NKAIN2: variants seen among roughly 807,000 people sequenced by gnomAD.
The protein encoded by NKAIN2 is sodium/potassium transporting ATPase interacting 2.
NKAIN2 carries 14 observed loss-of-function variants against 32.6 expected under a neutral mutation model. That is an observed-to-expected ratio of 0.43 (90% CI 0.28 to 0.67). The LOEUF (loss-of-function observed/expected upper bound fraction) is 0.67, where lower values mean the gene tolerates loss of function less well. Ranked by LOEUF, NKAIN2 falls within the 30% of genes least tolerant of loss-of-function variation. NKAIN2 has a pLI of 0.17. For synonymous variants in NKAIN2, 80 were observed against 87.2 expected (o/e 0.92, Z 0.46); for missense variants, 198 against 258.3 (o/e 0.77, Z 1.60).
chr6:124,078,444 A>G (rs1009668392), intron 1 of NKAIN2, among the ~76,000 whole-genome samples: 3 of 152,162 alleles, frequency 2.0e-5, no homozygotes, highest in African/African-American at 7.2e-5. Context: ...ACCCTTTGAG[A>G]TGGATGCTAT....
At chr6:124,818,548 C>T (rs1349114132) in intron 6 of NKAIN2, 80 bp downstream of exon 6, 1 of 586,918 alleles carries the variant, frequency 1.7e-6, no homozygotes, top group East Asian at 2.9e-5. Flanking sequence ...AAATTGATGG[C>T]ATGCAGCTTT....
intron 3 of NKAIN2, among the ~76,000 whole-genome samples, chr6:124,556,071 A>G (rs1429381050): frequency 1.5e-5 from 2 of 131,660 alleles, no homozygotes; most frequent in Non-Finnish European, 3.2e-5. Context: ...CCATTATATT[A>G]TAGAGTTTGC....
chr6:123,919,316 T>C (rs1775638349), intron 1 of NKAIN2, among the ~76,000 whole-genome samples: 2 of 152,094 alleles, frequency 1.3e-5, no homozygotes, highest in Admixed American at 1.3e-4. Flanking sequence ...TTTAGAGCTG[T>C]TTATTTTTCA....
chr6:123,873,694 G>A (rs1395698585), intron 1 of NKAIN2, among the ~76,000 whole-genome samples: 1 of 152,186 alleles, frequency 6.6e-6, no homozygotes, highest in African/African-American at 2.4e-5. Flanking sequence ...ATGGAGAATA[G>A]ATAAGGGACT....
At position 124,562,860 on chromosome 6, in the gene NKAIN2, G is replaced by C. The variant is rs893701932; in HGVS notation, c.274-95326G>C. Reference sequence around the variant, plus strand: ...CGGAAAATGCCGCTGTATACTCAAGGAGAAAACAGGAAAAGGAAAATGAAA... The same window carrying C: ...CGGAAAATGCCGCTGTATACTCAAGCAGAAAACAGGAAAAGGAAAATGAAA... On this transcript the variant is annotated intron_variant, in intron 3 of 6. Transcript: ENST00000368417. Among the ~76,000 whole-genome samples the C allele has an allele frequency of 2.0e-5, 3 of 151,306 alleles. No individual in the cohort carries two copies. In the South Asian group the frequency reaches 6.3e-4, roughly 32 times the overall value.
intron 4 of NKAIN2, among the ~76,000 whole-genome samples, chr6:124,684,271 C>G (rs911067543): frequency 1.3e-5 from 2 of 152,194 alleles, no homozygotes; most frequent in African/African-American, 4.8e-5. Context: ...AGTTAACAGC[C>G]TAATGACTTG....
chr6:124,798,415 G>GA (rs898297070), intron 5 of NKAIN2, among the ~76,000 whole-genome samples: 2 of 152,026 alleles, frequency 1.3e-5, no homozygotes, highest in Non-Finnish European at 2.9e-5. Flanking sequence ...GTGACTGACT[G>GA]AAAAAATTTT....
At chr6:124,131,273 T>G (rs1344467755) in intron 1 of NKAIN2, among the ~76,000 whole-genome samples, 1 of 152,160 alleles carries the variant, frequency 6.6e-6, no homozygotes, top group Non-Finnish European at 1.5e-5. Context: ...GCCTCCTCAG[T>G]AGCTAAGACT....
chr6:124,641,529 GCTTTTTTTTTTTTTTTT>G (rs1783988062), intron 3 of NKAIN2, among the ~76,000 whole-genome samples: 1 of 23,832 alleles, frequency 4.2e-5, no homozygotes. Flanking sequence ...TAAAACACTA[GCTTTTTTTTTTTTTTTT>G]TTTTTTTTTT....
intron 3 of NKAIN2, among the ~76,000 whole-genome samples, chr6:124,523,829 A>G (rs762151592): frequency 6.6e-6 from 1 of 152,158 alleles, no homozygotes; most frequent in Non-Finnish European, 1.5e-5. Context: ...CAAAGAAGAC[A>G]CAAATCTTCA....
chr6:124,782,550 T>C (rs1407866408), intron 4 of NKAIN2, among the ~76,000 whole-genome samples: 1 of 152,170 alleles, frequency 6.6e-6, no homozygotes, highest in East Asian at 1.9e-4. Context: ...GCATACTCCT[T>C]CCAGTGAAAT....
At chr6:124,800,251 G>T (rs886730544) in intron 5 of NKAIN2, among the ~76,000 whole-genome samples, 5 of 151,612 alleles carry the variant, frequency 3.3e-5, no homozygotes, top group Non-Finnish European at 7.4e-5. Context: ...TGTGTTCAGA[G>T]GTCTCCTTCT....
intron 2 of NKAIN2, among the ~76,000 whole-genome samples, chr6:124,305,506 C>T (rs1288324667): frequency 6.6e-6 from 1 of 152,080 alleles, no homozygotes; most frequent in African/African-American, 2.4e-5. Flanking sequence ...ACAAGGATGC[C>T]TTCCTTGGAG....
intron 3 of NKAIN2, among the ~76,000 whole-genome samples, chr6:124,412,441 C>T (rs1006597852): frequency 2.6e-5 from 4 of 152,208 alleles, no homozygotes; most frequent in Non-Finnish European, 1.5e-5. Context: ...GAGGTCCACT[C>T]TAGACCCTGT....
intron 4 of NKAIN2, among the ~76,000 whole-genome samples, chr6:124,733,740 CAT>C (rs1214981184): frequency 2.0e-5 from 3 of 151,416 alleles, no homozygotes; most frequent in African/African-American, 7.3e-5. Flanking sequence ...AATATAGATG[CAT>C]ATAGTTACAT....
intron 1 of NKAIN2, among the ~76,000 whole-genome samples, chr6:123,851,817 T>C (rs1458633283): frequency 6.6e-6 from 1 of 152,208 alleles, no homozygotes; most frequent in Non-Finnish European, 1.5e-5. Flanking sequence ...GAGATCCTTA[T>C]TTATTTTGGA....
At position 124,567,977 on chromosome 6, in the gene NKAIN2, G is replaced by A. The variant is rs142695455; in HGVS notation, c.274-90209G>A. On this transcript the variant is annotated intron_variant, in intron 3 of 6. Coordinates refer to ENST00000368417, the MANE Select transcript of NKAIN2 (RefSeq NM_001040214.3). The stretch of plus-strand genomic sequence containing the variant: ...TAATCGAGCTTGACTGTTAGATGCA[G>A]GTGAGGTTCTAGTCATTTGAGCTCT... 2.0e-5 allele frequency among the ~76,000 whole-genome samples: 3 copies of A among 152,214 alleles called. No individual in the cohort carries two copies. The East Asian group carries it at 5.8e-4, about 29-fold the overall frequency.
intron 2 of NKAIN2, among the ~76,000 whole-genome samples, chr6:124,346,647 G>A: frequency 6.6e-6 from 1 of 151,348 alleles, no homozygotes. Context: ...TCAGAGACTA[G>A]GATTGCAACC....
intron 1 of NKAIN2, among the ~76,000 whole-genome samples, chr6:124,262,922 G>A (rs1161272138): frequency 1.3e-5 from 2 of 152,104 alleles, no homozygotes; most frequent in East Asian, 3.9e-4. Flanking sequence ...ACCACTTGGT[G>A]CTTCAGTTTT....
Sources: gnomAD v4.1 joint callset for allele counts (sites outside exome capture counted in the v4.1 genomes callset) on GRCh38, gnomAD v4.1.1 for gene constraint, MANE v1.5 for transcripts, NCBI Gene and HGNC (gene_info 2026-07-23, HGNC 2026-07-21) for gene names.